Variants in GATM observed in about 807,000 individuals in gnomAD.
GATM encodes glycine amidinotransferase.
Under a neutral mutation model 54.2 loss-of-function variants are expected in GATM, and 23 were observed. The observed-to-expected ratio is 0.42, with a 90% CI of 0.31 to 0.60. The LOEUF is 0.60. GATM is among the 20% of genes least tolerant of loss of function. GATM has a pLI of 0.14. For synonymous variants in GATM, 168 were observed against 183.1 expected (o/e 0.92, Z 0.67); for missense variants, 401 against 544.9 (o/e 0.74, Z 2.63).
At chr15:45,364,351 G>A (rs1889413102) in intron 7 of GATM, 2 of 332,832 alleles carry the variant, frequency 6.0e-6, no homozygotes, top group African/African-American at 4.3e-5. Flanking sequence ...GGGGAACACA[G>A]CAAGACATCA....
At chr15:45,362,264 G>A (rs1566838874) in intron 8 of GATM, 43 bp from the exon 9 acceptor site, 1 of 1,204,162 alleles carries the variant, frequency 8.3e-7, no homozygotes, top group Non-Finnish European at 1.2e-6. Context: ...GGACTAACAT[G>A]ACGATTCTCA....
chr15:45,399,290 T>TG (rs767849097), intron 2 of GATM, among the ~76,000 whole-genome samples: 31 of 152,196 alleles, frequency 2.0e-4, no homozygotes, highest in Non-Finnish European at 3.5e-4. Flanking sequence ...TTGAGGCTTG[T>TG]GAAAAATTAT....
chr15:45,381,018 T>C (rs1889734650), upstream of GATM, among the ~76,000 whole-genome samples: 1 of 152,242 alleles, frequency 6.6e-6, no homozygotes, highest in Admixed American at 6.5e-5. Flanking sequence ...ACCTCATCAA[T>C]TTAAAGTACA....
intron 2 of GATM, 163 bp from the exon 3 acceptor site, chr15:45,369,684 G>A (rs570309296): frequency 4.5e-6 from 3 of 673,284 alleles, no homozygotes; most frequent in African/African-American, 3.6e-5. Context: ...AGCCCTCTGG[G>A]CAGACACTCA....
At chr15:45,395,686 G>T (rs1889919326) in intron 3 of GATM, among the ~76,000 whole-genome samples, 1 of 152,072 alleles carries the variant, frequency 6.6e-6, no homozygotes, top group African/African-American at 2.4e-5. Context: ...ACATCTTCCT[G>T]GAGGGAAGTT....
At chr15:45,395,238 T>G (rs1889915640) in intron 3 of GATM, among the ~76,000 whole-genome samples, 1 of 152,132 alleles carries the variant, frequency 6.6e-6, no homozygotes, top group African/African-American at 2.4e-5. Context: ...CCAGGTCATA[T>G]TTAATATTAG....
chr15:45,381,431 T>A (rs997352803), upstream of GATM, among the ~76,000 whole-genome samples: 1 of 152,178 alleles, frequency 6.6e-6, no homozygotes, highest in Admixed American at 6.5e-5. Flanking sequence ...TGCCCAACTC[T>A]CCCTAGTTCC....
chr15:45,361,496 T>G lies in GATM; in HGVS notation c.*613A>C, dbSNP rs1174570354. ...GAGATGAGAATATTAAAAACATTCA[T>G]GGAAAATTCACTTTGATGTTTTGCA... On this transcript the variant is annotated 3_prime_UTR_variant, in exon 9 of 9. Transcript: ENST00000396659. 1.3e-5 allele frequency: 2 copies of G among 153,764 alleles called. No individual in the cohort carries two copies. The highest frequency in any genetic ancestry group is 4.8e-5 in the African/African-American group (2 of 41,518). The allele number at this position is 153,764 out of a possible 1,614,324, so 9.5% of individuals were successfully genotyped here. A position where few individuals can be genotyped will look rare whatever the true frequency, so the allele number is the denominator to read the frequency against.
chr15:45,365,755 C>A (rs1889438536), intron 6 of GATM, among the ~76,000 whole-genome samples: 1 of 152,182 alleles, frequency 6.6e-6, no homozygotes, highest in African/African-American at 2.4e-5. Flanking sequence ...GTTATAACAC[C>A]ATCGTTTGAT....
intron 3 of GATM, among the ~76,000 whole-genome samples, chr15:45,388,799 G>A (rs1038040784): frequency 6.6e-6 from 1 of 151,944 alleles, no homozygotes; most frequent in African/African-American, 2.4e-5. Context: ...AGTGTCTGCC[G>A]GGTTTTTCCT....
Position 45,363,961 on chromosome 15 carries a change from A to T in GATM, c.1098T>A (p.Asp366Glu). 6.2e-7 allele frequency: 1 copy of T among 1,613,788 alleles called. No individual in the cohort carries two copies. The highest frequency in any genetic ancestry group is 8.5e-7 in the Non-Finnish European group (1 of 1,179,898). Residue 366 changes from aspartate (D) to glutamate (E), a missense_variant, in exon 8 of 9, where the codon GAT (aspartate) becomes GAA (glutamate). Asp to Glu is a conservative substitution (Grantham distance 45, BLOSUM62 2). Transcript: ENST00000396659. The stretch of plus-strand genomic sequence containing the variant: ...TGGCATCCACCATAACACGTTTTTC[A>T]TCTAGCATTAAGACATTCATGGAAA... ...KWLSMNVLML[D>E]EKRVMVDANE...
At chr15:45,383,593 CTGCT>C (rs929784908) in intron 3 of GATM, among the ~76,000 whole-genome samples, 24 of 138,040 alleles carry the variant, frequency 1.7e-4, no homozygotes, top group African/African-American at 6.3e-4. Flanking sequence ...TGCCAAATTG[CTGCT>C]TTTTTTTTTT....
chr15:45,369,197 T>C, intron 3 of GATM, 129 bp downstream of exon 3: 2 of 721,966 alleles, frequency 2.8e-6, no homozygotes, highest in East Asian at 5.1e-5. Context: ...CCTAAATAAA[T>C]CTTTAAAGTT....
upstream of GATM, among the ~76,000 whole-genome samples, chr15:45,382,386 G>C (rs1035359126): frequency 6.6e-6 from 1 of 152,204 alleles, no homozygotes; most frequent in African/African-American, 2.4e-5. Context: ...ATTCTGCTGG[G>C]TGTGGTGGTT....
chr15:45,393,040 G>A (rs1311210017), intron 3 of GATM, among the ~76,000 whole-genome samples: 3 of 152,220 alleles, frequency 2.0e-5, no homozygotes, highest in East Asian at 1.9e-4. Flanking sequence ...GTGCCTGGCA[G>A]TAGCCAAGTG....
At chr15:45,395,861 A>T (rs953067816) in intron 3 of GATM, among the ~76,000 whole-genome samples, 1 of 152,226 alleles carries the variant, frequency 6.6e-6, no homozygotes, top group Admixed American at 6.5e-5. Context: ...TAAAAAAAAA[A>T]TGGCATTCAA....
chr15:45,363,151 A>G (rs1325776606), intron 8 of GATM, among the ~76,000 whole-genome samples: 2 of 152,098 alleles, frequency 1.3e-5, no homozygotes, highest in Non-Finnish European at 2.9e-5. Flanking sequence ...GTATGCTTGT[A>G]ATCCCAGCTA....
At chr15:45,382,742 G>A (rs899062588), upstream of GATM, among the ~76,000 whole-genome samples, 5 of 152,034 alleles carry the variant, frequency 3.3e-5, no homozygotes, top group African/African-American at 7.3e-5. Context: ...GCCCTGAGCC[G>A]AGATCATACC....
intron 6 of GATM, among the ~76,000 whole-genome samples, chr15:45,365,794 G>C (rs1177964534): frequency 3.9e-5 from 6 of 152,194 alleles, no homozygotes; most frequent in African/African-American, 1.2e-4. Flanking sequence ...ACAAACTTGA[G>C]GCTCTGACAA....
Sources: allele counts gnomAD v4.1 joint callset (sites outside exome capture counted in the v4.1 genomes callset), GRCh38; gene constraint gnomAD v4.1.1; transcripts MANE v1.5; gene names NCBI Gene and HGNC (gene_info 2026-07-23, HGNC 2026-07-21).